The following FUT8 variants were observed in gnomAD, a reference collection of about 807,000 sequenced individuals.
The protein encoded by FUT8 is alpha-(1,6)-fucosyltransferase.
FUT8 carries 29 observed loss-of-function variants against 71.3 expected under a neutral mutation model. The ratio of observed to expected loss-of-function variants is 0.41; its 90% CI spans 0.30 to 0.55. FUT8 has a LOEUF of 0.55. FUT8 is among the 20% of genes least tolerant of loss of function. FUT8 has a pLI of 0.34. For synonymous variants in FUT8, 254 were observed against 239.3 expected (o/e 1.06, Z -0.57); for missense variants, 544 against 702.1 (o/e 0.77, Z 2.55).
intron 7 of FUT8, among the ~76,000 whole-genome samples, chr14:65,709,921 C>T (rs1894732461): frequency 6.6e-6 from 1 of 152,160 alleles, no homozygotes; most frequent in Non-Finnish European, 1.5e-5. Context: ...GTCCACGAAG[C>T]CATAAATCCA....
chr14:65,398,682 A>G, the FUT8 span, among the ~76,000 whole-genome samples: 1 of 151,914 alleles, frequency 6.6e-6, no homozygotes, highest in Admixed American at 6.6e-5. Flanking sequence ...GTAAGCTGAG[A>G]TCGCATCACT....
At chr14:65,424,975 TA>T (rs2065360393) in intron 1 of FUT8, among the ~76,000 whole-genome samples, 1 of 151,922 alleles carries the variant, frequency 6.6e-6, no homozygotes, top group African/African-American at 2.4e-5. Flanking sequence ...ACTTTTTTGA[TA>T]TTTCTAGGTT....
rs571300090 is a variant in FUT8, at chr14:65,649,676, CCTT to C, written c.598-19566_598-19564del. 8.5e-5 allele frequency among the ~76,000 whole-genome samples: 13 copies of C among 152,220 alleles called. No individual in the cohort carries two copies. In the South Asian group the frequency reaches 2.7e-3, roughly 32 times the overall value. On this transcript the variant is annotated intron_variant, in intron 6 of 10. Transcript: ENST00000673929. Reference sequence around the variant, plus strand: ...ACACTACAGAGGCTTTGAATAATCTCCTTAAGTTTTCACTATGAGAGTTCATTT... The same window carrying C: ...ACACTACAGAGGCTTTGAATAATCTCAAGTTTTCACTATGAGAGTTCATTT...
chr14:65,392,632 CAT>C, the FUT8 span, among the ~76,000 whole-genome samples: 3 of 152,100 alleles, frequency 2.0e-5, no homozygotes, highest in Non-Finnish European at 2.9e-5. Context: ...TGTTTTGTCA[CAT>C]GAGAGGCTTA....
At chr14:65,729,215 T>A (rs1171911108) in intron 9 of FUT8, among the ~76,000 whole-genome samples, 1 of 151,806 alleles carries the variant, frequency 6.6e-6, no homozygotes, top group Non-Finnish European at 1.5e-5. Context: ...GAGACGGGAT[T>A]GCATGTTGCT....
chr14:65,370,389 T>C, the FUT8 span, among the ~76,000 whole-genome samples: 1 of 151,562 alleles, frequency 6.6e-6, no homozygotes, highest in Non-Finnish European at 1.5e-5. Flanking sequence ...TTGTATTTTT[T>C]AGTAGAGACG....
the FUT8 span, among the ~76,000 whole-genome samples, chr14:65,365,770 T>C: frequency 3.9e-4 from 59 of 152,218 alleles, no homozygotes; most frequent in African/African-American, 1.4e-3. Flanking sequence ...AATAACCATA[T>C]AAATGGGCAA....
chr14:65,386,150 TA>T, the FUT8 span, among the ~76,000 whole-genome samples: 1,544 of 141,922 alleles, frequency 0.011, 17 homozygotes, highest in African/African-American at 0.031. Context: ...AGACTCCATC[TA>T]AAAAAAAAAA....
chr14:65,359,252 G>A, the FUT8 span, among the ~76,000 whole-genome samples: 1 of 152,120 alleles, frequency 6.6e-6, no homozygotes. Context: ...CTGCCCCAAG[G>A]ACACATGCTC....
rs117703941 is a variant in FUT8 at position 65,583,870 on chromosome 14, G to A, written c.203+22104G>A. On this transcript the variant is annotated intron_variant, in intron 3 of 10. Coordinates refer to ENST00000673929, the MANE Select transcript of FUT8 (RefSeq NM_001371533.1). ...TCCATTAAAATATCCGAATTAGCCAGCTAAGAGTCTTTGTTTACTTTTTTT... is the reference window on the plus strand; with the variant it reads ...TCCATTAAAATATCCGAATTAGCCAACTAAGAGTCTTTGTTTACTTTTTTT... 5.7e-3 allele frequency among the ~76,000 whole-genome samples: 875 copies of A among 152,186 alleles called. 30 individuals are homozygous for A. In the East Asian group the frequency reaches 0.093, roughly 16 times the overall value.
intron 7 of FUT8, among the ~76,000 whole-genome samples, chr14:65,704,691 A>G (rs1398734052): frequency 6.6e-6 from 1 of 152,178 alleles, no homozygotes; most frequent in Admixed American, 6.5e-5. Flanking sequence ...AGCAACTTTT[A>G]TATGTTTATA....
intron 3 of FUT8, among the ~76,000 whole-genome samples, chr14:65,577,361 A>G (rs1157848062): frequency 6.6e-6 from 1 of 152,146 alleles, no homozygotes. Context: ...TCAGATTTGG[A>G]TTTGGATCCC....
At position 65,530,498 on chromosome 14, in the gene FUT8, A is replaced by G. The variant is rs540167145; in HGVS notation, c.-227-30839A>G. 2.8e-4 allele frequency among the ~76,000 whole-genome samples: 43 copies of G among 152,274 alleles called. 2 individuals are homozygous for G. In the South Asian group the frequency reaches 8.7e-3, roughly 31 times the overall value. Reference sequence around the variant, plus strand: ...TTTAAAATTGAGAAAATCCTTAGCAAGTGATATGTCTCACCCATTTCAAAG... The same window carrying G: ...TTTAAAATTGAGAAAATCCTTAGCAGGTGATATGTCTCACCCATTTCAAAG... On this transcript the variant is annotated intron_variant, in intron 2 of 10. Coordinates refer to ENST00000673929, the MANE Select transcript of FUT8 (RefSeq NM_001371533.1).
rs536225083 is a variant in FUT8 at position 65,460,423 on chromosome 14, T to C, written c.-228+4705T>C. ...GTAGCTCCTTTTAAAGATTGGAGTT[T>C]CATTAAGCTCAGGTTTTCTTGTCCT... On this transcript the variant is annotated intron_variant, in intron 2 of 10. Coordinates refer to ENST00000673929, the MANE Select transcript of FUT8 (RefSeq NM_001371533.1). 4.3e-4 allele frequency among the ~76,000 whole-genome samples: 65 copies of C among 152,324 alleles called. 2 individuals carry two copies. The South Asian group carries it at 0.013, about 30-fold the overall frequency.
At chr14:65,438,326 A>C (rs2065591893) in intron 1 of FUT8, among the ~76,000 whole-genome samples, 1 of 152,094 alleles carries the variant, frequency 6.6e-6, no homozygotes, top group African/African-American at 2.4e-5. Flanking sequence ...TGAAACCTAG[A>C]TAGAGGGCCC....
intron 6 of FUT8, among the ~76,000 whole-genome samples, chr14:65,655,090 C>T (rs1273765793): frequency 6.6e-6 from 1 of 151,588 alleles, no homozygotes; most frequent in Admixed American, 6.6e-5. Flanking sequence ...TGCTGTCCCC[C>T]CAAGAAACTA....
At chr14:65,723,343 T>C (rs1165355523) in intron 8 of FUT8, among the ~76,000 whole-genome samples, 4 of 151,858 alleles carry the variant, frequency 2.6e-5, no homozygotes, top group Non-Finnish European at 5.9e-5. Context: ...AAAAATTACT[T>C]TGGAAACACT....
intron 1 of FUT8, among the ~76,000 whole-genome samples, chr14:65,425,632 T>A (rs1232622575): frequency 6.6e-6 from 1 of 152,148 alleles, no homozygotes; most frequent in Non-Finnish European, 1.5e-5. Context: ...AATTAACACA[T>A]CCGTCACCTC....
chr14:65,732,762 A>G (rs912370433), intron 9 of FUT8, among the ~76,000 whole-genome samples: 4 of 152,202 alleles, frequency 2.6e-5, no homozygotes, highest in Admixed American at 2.6e-4. Context: ...TCTTTTTATT[A>G]TTAACTTGTA....
Sources: allele counts gnomAD v4.1 joint callset (sites outside exome capture counted in the v4.1 genomes callset), GRCh38; gene constraint gnomAD v4.1.1; transcripts MANE v1.5; gene names NCBI Gene and HGNC (gene_info 2026-07-23, HGNC 2026-07-21).